DEGS1: variants seen among roughly 807,000 people sequenced by gnomAD.
DEGS1 encodes the protein delta 4-desaturase, sphingolipid 1, also known as sphingolipid delta(4)-desaturase DES1.
A neutral mutation model predicts 24.1 loss-of-function variants in DEGS1; 17 were observed. That is an observed-to-expected ratio of 0.70 (90% confidence interval 0.48 to 1.06). The LOEUF is 1.06. Ranked by LOEUF, DEGS1 falls within the 50% of genes least tolerant of loss-of-function variation. The pLI, the probability that DEGS1 is intolerant of heterozygous loss-of-function variation, is 0.00. For synonymous variants in DEGS1, 134 were observed against 140.0 expected (o/e 0.96, Z 0.30); for missense variants, 366 against 408.9 (o/e 0.90, Z 0.91).
In DEGS1 at chr1:224,189,683, C is replaced by T. The variant is rs776658163; in HGVS notation, c.189C>T (p.Asp63=). Residue 63 remains aspartate (D), a synonymous_variant, in exon 2 of 3, where the codon GAC becomes GAT. Transcript: ENST00000323699. ...TQLGAFYIVK[D]LDWKWVIFGA... is the part of the protein sequence containing the mutation. ...TGGGTGCATTTTACATAGTAAAAGA[C>T]TTGGACTGGAAATGGGTCATATTTG... is the stretch of plus-strand genomic sequence containing the variant. 5.0e-6 allele frequency: 8 copies of T among 1,613,984 alleles called. No individual in the cohort carries two copies. The highest frequency in any genetic ancestry group is 6.8e-6 in the Non-Finnish European group (8 of 1,180,034).
chr1:224,187,562 C>T (rs1227205438), intron 1 of DEGS1, among the ~76,000 whole-genome samples: 1 of 152,058 alleles, frequency 6.6e-6, no homozygotes, highest in East Asian at 1.9e-4. Flanking sequence ...ATCTGTTTGC[C>T]CAGGCTGGTC....
At chr1:224,188,130 C>G (rs1345232996) in intron 1 of DEGS1, among the ~76,000 whole-genome samples, 1 of 151,938 alleles carries the variant, frequency 6.6e-6, no homozygotes, top group African/African-American at 2.4e-5. Context: ...CAGTGGCATG[C>G]TCCTGTAGTC....
intron 1 of DEGS1, 49 bp from the exon 2 acceptor site, chr1:224,189,528 A>G: frequency 7.4e-7 from 1 of 1,351,500 alleles, no homozygotes; most frequent in South Asian, 1.5e-5. Flanking sequence ...TAATTGGTGA[A>G]CTATTACATA....
chr1:224,190,440 C>T lies in DEGS1; in HGVS notation c.825+121C>T, dbSNP rs1034013476. On this transcript the variant is annotated intron_variant, in intron 2 of 2. Coordinates refer to ENST00000323699, the MANE Select transcript of DEGS1 (RefSeq NM_003676.4). Reference sequence around the variant, plus strand: ...TGGCACGATCTCGGCTCACTGTAACCTCCACCTCCCGGGTTCAAACGATTC... The same window carrying T: ...TGGCACGATCTCGGCTCACTGTAACTTCCACCTCCCGGGTTCAAACGATTC... 1.8e-5 allele frequency: 15 copies of T among 819,712 alleles called. No homozygotes were observed. In the African/African-American group the frequency reaches 2.2e-4, roughly 12 times the overall value. 50.8% of individuals were successfully genotyped at this position (819,712 alleles called of 1,614,324 possible).
At chr1:224,186,712 C>CAAAAA (rs34809195) in intron 1 of DEGS1, among the ~76,000 whole-genome samples, 12 of 79,852 alleles carry the variant, frequency 1.5e-4, no homozygotes, top group Non-Finnish European at 2.4e-4. Context: ...GCCTCCGTCT[C>CAAAAA]AAAAAAAAAA....
At position 224,189,574 on chromosome 1, in the gene DEGS1, C is replaced by A; in HGVS notation, c.83-3C>A. 6.4e-7 allele frequency: 1 copy of A among 1,557,142 alleles called. No individual in the cohort carries two copies. Among genetic ancestry groups the A allele is most frequent in the African/African-American group, 1.4e-5 (1 of 72,238 alleles). ...TTCCTGTTTTTTTGTTTTTTCTTTA[C>A]AGCAAAGTATCCAGAGATAAAGTCC... is the stretch of plus-strand genomic sequence containing the variant. On this transcript the variant is annotated splice_region_variant and splice_polypyrimidine_tract_variant and intron_variant, in intron 1 of 2. Coordinates refer to ENST00000323699, the MANE Select transcript of DEGS1 (RefSeq NM_003676.4).
Position 224,189,914 on chromosome 1 carries a change from C to A in DEGS1, c.420C>A (p.Val140=). The A allele has an allele frequency of 6.2e-7, 1 of 1,614,134 alleles. No individual in the cohort carries two copies. Among genetic ancestry groups the A allele is most frequent in the Non-Finnish European group, 8.5e-7 (1 of 1,180,028 alleles). Residue 140 remains valine, a synonymous_variant, in exon 2 of 3, where the codon GTC becomes GTA. Coordinates refer to ENST00000323699, the MANE Select transcript of DEGS1 (RefSeq NM_003676.4). ...ATCGGTACCTTGGAGCTGATGGCGT[C>A]GATGTAGATATTCCTACCGATTTTG... ...DHHRYLGADG[V]DVDIPTDFEG...
At chr1:224,183,803 C>T (rs1658303480) in intron 1 of DEGS1, 1 of 161,464 alleles carries the variant, frequency 6.2e-6, no homozygotes, top group East Asian at 1.8e-4. Context: ...TTTCCTCTCA[C>T]CACTCCCTCT....
chr1:224,187,824 C>A (rs943917656), intron 1 of DEGS1, among the ~76,000 whole-genome samples: 1 of 152,162 alleles, frequency 6.6e-6, no homozygotes, highest in Admixed American at 6.6e-5. Flanking sequence ...TCCCTCATAT[C>A]CCCTGCTTCT....
chr1:224,187,676 T>C (rs1254535179), intron 1 of DEGS1, among the ~76,000 whole-genome samples: 2 of 152,134 alleles, frequency 1.3e-5, no homozygotes, highest in East Asian at 1.9e-4. Context: ...GAGATTATAA[T>C]TCAACTATCA....
rs748593113 is a variant in DEGS1, at chr1:224,189,652, C to T, written c.158C>T (p.Thr53Ile). The change falls in exon 2 of 3, where the codon ACC becomes ATC. Residue 53 changes from threonine (T) to isoleucine (I), a missense_variant. Transcript: ENST00000323699. ...LIWIIIMMVLTQLGAFYIVKD... is the reference protein window; with the variant it reads ...LIWIIIMMVLIQLGAFYIVKD... ...TGGATTATAATTATGATGGTTCTCACCCAGTTGGGTGCATTTTACATAGTA... is the reference window on the plus strand; with the variant it reads ...TGGATTATAATTATGATGGTTCTCATCCAGTTGGGTGCATTTTACATAGTA... 6 of 1,613,728 alleles carry T rather than the reference C, an allele frequency of 3.7e-6. No homozygotes were observed. Among genetic ancestry groups the T allele is most frequent in the African/African-American group, 2.7e-5 (2 of 74,906 alleles).
chr1:224,186,073 C>T (rs1381727893), intron 1 of DEGS1, among the ~76,000 whole-genome samples: 5 of 151,700 alleles, frequency 3.3e-5, no homozygotes, highest in Admixed American at 2.0e-4. Flanking sequence ...AAGGCTGAGG[C>T]GAGAGGAACA....
intron 2 of DEGS1, 77 bp downstream of exon 2, chr1:224,190,396 C>T (rs1658507783): frequency 2.2e-6 from 3 of 1,334,250 alleles, no homozygotes; most frequent in South Asian, 2.0e-5. Context: ...CTCACTCAGT[C>T]GCCCAGGCTG....
chr1:224,185,959 G>A (rs1008564798), intron 1 of DEGS1, among the ~76,000 whole-genome samples: 1 of 152,090 alleles, frequency 6.6e-6, no homozygotes, highest in Non-Finnish European at 1.5e-5. Flanking sequence ...CGAGCACTTT[G>A]AGAAGCTGAG....
At chr1:224,183,879 G>GA (rs1449192802) in intron 1 of DEGS1, 1 of 153,134 alleles carries the variant, frequency 6.5e-6, no homozygotes, top group Non-Finnish European at 1.5e-5. Flanking sequence ...GGCAGGGTGT[G>GA]GTCCTGGGCA....
chr1:224,191,590 C>CTTTTTTTTTTTTTTTTTTTTTTTTTTT (rs748181749), intron 2 of DEGS1, among the ~76,000 whole-genome samples: 1 of 53,304 alleles, frequency 1.9e-5, no homozygotes, highest in African/African-American at 8.0e-5. Flanking sequence ...TTGATAAGTG[C>CTTTTTTTTTTTTTTTTTTTTTTTTTTT]TTTTTTTTTT....
rs149958765 is a variant in DEGS1, at chr1:224,186,611, G to A, written c.83-2966G>A. ...ACCTGTAGTCCCAACTACTCAGGAGGCCGAGGCAGGAGAATGGCGTGAACC... is the reference window on the plus strand; with the variant it reads ...ACCTGTAGTCCCAACTACTCAGGAGACCGAGGCAGGAGAATGGCGTGAACC... On this transcript the variant is annotated intron_variant, in intron 1 of 2. Transcript: ENST00000323699. 7.6e-3 allele frequency among the ~76,000 whole-genome samples: 1,161 copies of A among 151,766 alleles called. 14 individuals are homozygous for A. The highest frequency in any genetic ancestry group is 0.026 in the African/African-American group (1,094 of 41,370).
Position 224,192,314 on chromosome 1 carries a change from G to A in DEGS1, c.826-18G>A, listed in dbSNP as rs1658558514. 2 of 1,598,810 alleles carry A rather than the reference G, an allele frequency of 1.3e-6. No individual in the cohort carries two copies. The highest frequency in any genetic ancestry group is 8.5e-7 in the Non-Finnish European group (1 of 1,175,478). On this transcript the variant is annotated intron_variant, in intron 2 of 2. Coordinates refer to ENST00000323699, the MANE Select transcript of DEGS1 (RefSeq NM_003676.4). ...AGTAACACTCATTTTTCATCTTGCT[G>A]TATTTTTTCCCTTCTAGGTGAGGAA...
Position 224,192,513 on chromosome 1 carries a change from C to T in DEGS1, c.*35C>T. On this transcript the variant is annotated 3_prime_UTR_variant, in exon 3 of 3. Transcript: ENST00000323699. Reference sequence around the variant, plus strand: ...GTGCCAAAGGGATTCTTCTCCAAAACTTTAGATGATAAAATGGAATTTTTG... The same window carrying T: ...GTGCCAAAGGGATTCTTCTCCAAAATTTTAGATGATAAAATGGAATTTTTG... 6.3e-7 allele frequency: 1 copy of T among 1,587,032 alleles called. No homozygotes were observed. Among genetic ancestry groups the T allele is most frequent in the Non-Finnish European group, 8.5e-7 (1 of 1,170,358 alleles).
Sources: allele counts gnomAD v4.1 joint callset (sites outside exome capture counted in the v4.1 genomes callset), GRCh38; gene constraint gnomAD v4.1.1; transcripts MANE v1.5; gene names NCBI Gene and HGNC (gene_info 2026-07-23, HGNC 2026-07-21).